The following PID1 variants were observed in gnomAD, a reference collection of about 807,000 sequenced individuals.
The protein encoded by PID1 is phosphotyrosine interaction domain containing 1.
PID1 carries 10 observed loss-of-function variants against 19.1 expected under a neutral mutation model. The observed-to-expected ratio is 0.52, with a 90% confidence interval of 0.32 to 0.89. The LOEUF (loss-of-function observed/expected upper bound fraction) is 0.89, where lower values mean the gene tolerates loss of function less well. PID1 is among the 40% of genes least tolerant of loss of function. The pLI, the probability that PID1 is intolerant of heterozygous loss-of-function variation, is 0.03. For missense variants in PID1, 248 were observed against 285.3 expected, an observed-to-expected ratio of 0.87 and a Z score of 0.94; for synonymous variants, 130 against 116.0, an observed-to-expected ratio of 1.12 and a Z score of -0.78.
At position 229,025,889 on chromosome 2, in the gene PID1, T is replaced by C. The variant is rs1422908127; in HGVS notation, c.397A>G (p.Ile133Val). The change falls in exon 3 of 3, where the codon ATC becomes GTC. Residue 133 changes from isoleucine (I) to valine (V), a missense_variant. Ile to Val is a conservative substitution (Grantham distance 29). Transcript: ENST00000392055. ...TTGTGGTCGGCGGTGCAGTAGGCGA[T>C]GCGGGCCACCTGGAAGGTATCCATG... The part of the protein sequence containing the change: ...VHMDTFQVAR[I>V]AYCTADHNVS... The C allele has an allele frequency of 2.5e-6, 4 of 1,614,096 alleles. No homozygotes were observed. Among genetic ancestry groups the C allele is most frequent in the Non-Finnish European group, 3.4e-6 (4 of 1,180,042 alleles).
chr2:229,227,507 T>A (rs1218317253), intron 1 of PID1, among the ~76,000 whole-genome samples: 1 of 152,196 alleles, frequency 6.6e-6, no homozygotes, highest in Non-Finnish European at 1.5e-5. Flanking sequence ...GTAGCAATTA[T>A]CCATTCCCTT....
chr2:229,042,589 G>A (rs563459329), intron 2 of PID1, among the ~76,000 whole-genome samples: 2 of 152,324 alleles, frequency 1.3e-5, no homozygotes, highest in African/African-American at 4.8e-5. Context: ...GGCTGAGGGA[G>A]GAGGAGGAGA....
At chr2:229,228,170 AACCGAT>A in intron 1 of PID1, 1 of 404,738 alleles carries the variant, frequency 2.5e-6, no homozygotes, top group East Asian at 7.2e-5. Flanking sequence ...GAGCAAATAA[AACCGAT>A]ACAAGCAATT....
At chr2:229,194,650 C>T (rs1359432286) in intron 1 of PID1, among the ~76,000 whole-genome samples, 2 of 151,800 alleles carry the variant, frequency 1.3e-5, no homozygotes, top group Non-Finnish European at 2.9e-5. Flanking sequence ...TGAACATAAT[C>T]CCTATTTTTA....
chr2:229,252,773 C>T (rs763927867), intron 1 of PID1, among the ~76,000 whole-genome samples: 1 of 152,130 alleles, frequency 6.6e-6, no homozygotes, highest in African/African-American at 2.4e-5. Context: ...AAGATTCCCA[C>T]AAGGGGAATA....
intron 1 of PID1, chr2:229,262,776 C>T (rs1690492655): frequency 1.3e-6 from 2 of 1,551,580 alleles, no homozygotes; most frequent in Non-Finnish European, 8.7e-7. Context: ...ACTCTTCTAA[C>T]ATCAGGTGGT....
intron 1 of PID1, among the ~76,000 whole-genome samples, chr2:229,198,709 A>C (rs1691429650): frequency 6.6e-6 from 1 of 152,058 alleles, no homozygotes; most frequent in Non-Finnish European, 1.5e-5. Flanking sequence ...GAGAGTTTAC[A>C]CCTTACCTAC....
At chr2:229,146,642 T>C (rs1284864337) in intron 2 of PID1, among the ~76,000 whole-genome samples, 1 of 152,102 alleles carries the variant, frequency 6.6e-6, no homozygotes, top group Admixed American at 6.6e-5. Context: ...CATTACATCC[T>C]AACCCCTGGA....
At chr2:229,073,139 C>T (rs1426615743) in intron 2 of PID1, among the ~76,000 whole-genome samples, 5 of 152,206 alleles carry the variant, frequency 3.3e-5, no homozygotes, top group Non-Finnish European at 7.3e-5. Flanking sequence ...CATTCTCCTG[C>T]CTCAGCCTCC....
chr2:229,127,283 T>C (rs34504548), intron 2 of PID1, among the ~76,000 whole-genome samples: 17 of 152,344 alleles, frequency 1.1e-4, no homozygotes, highest in Admixed American at 2.0e-4. Flanking sequence ...CTAATAATTG[T>C]ATCTACTTAT....
intron 2 of PID1, among the ~76,000 whole-genome samples, chr2:229,133,816 G>C (rs1215862830): frequency 6.6e-6 from 1 of 151,434 alleles, no homozygotes; most frequent in Admixed American, 6.6e-5. Flanking sequence ...AAGTTTTAGG[G>C]TACATGTGCA....
intron 2 of PID1, among the ~76,000 whole-genome samples, chr2:229,154,057 G>A (rs1490053371): frequency 6.6e-6 from 1 of 152,148 alleles, no homozygotes; most frequent in Non-Finnish European, 1.5e-5. Context: ...TGTACCTAAC[G>A]CCAGTTCTGT....
intron 1 of PID1, among the ~76,000 whole-genome samples, chr2:229,200,082 G>T (rs917154526): frequency 6.6e-6 from 1 of 151,850 alleles, no homozygotes; most frequent in Non-Finnish European, 1.5e-5. Flanking sequence ...CTTGAAGAAG[G>T]CAATTTGGTT....
chr2:229,259,036 T>C (rs960035877), intron 1 of PID1, among the ~76,000 whole-genome samples: 1 of 149,896 alleles, frequency 6.7e-6, no homozygotes, highest in Admixed American at 6.7e-5. Flanking sequence ...CACATTCTCA[T>C]CAACAGTTAG....
chr2:229,260,344 A>G (rs958982445), intron 1 of PID1, among the ~76,000 whole-genome samples: 6 of 152,000 alleles, frequency 3.9e-5, no homozygotes, highest in Non-Finnish European at 8.8e-5. Flanking sequence ...TAAATAAATT[A>G]TAGTCCAGCT....
intron 2 of PID1, among the ~76,000 whole-genome samples, chr2:229,094,859 GA>G (rs199734110): frequency 8.7e-5 from 13 of 148,600 alleles, no homozygotes; most frequent in Admixed American, 2.7e-4. Context: ...AAATCAGCAA[GA>G]AAAAAAAACA....
At position 229,184,030 on chromosome 2, in the gene PID1, CAT is replaced by C. The variant is rs1691021001; in HGVS notation, c.31-28068_31-28067del. On this transcript the variant is annotated intron_variant, in intron 1 of 2. Transcript: ENST00000392055. ...ATATCCCATATGTATGTATATATCC[CAT>C]ATATATATCCCATATATATATCCCA... is the stretch of plus-strand genomic sequence containing the variant. Among the ~76,000 whole-genome samples, 5 of 25,902 alleles carry C rather than the reference CAT, an allele frequency of 1.9e-4. 2 individuals are homozygous for C. Among genetic ancestry groups the C allele is most frequent in the Admixed American group, 5.7e-4 (1 of 1,748 alleles). The allele number at this position is 25,902 out of a possible 152,430, so 17.0% of individuals were successfully genotyped here.
At chr2:229,216,663 G>T (rs1691853487) in intron 1 of PID1, among the ~76,000 whole-genome samples, 1 of 152,058 alleles carries the variant, frequency 6.6e-6, no homozygotes, top group Non-Finnish European at 1.5e-5. Context: ...TTTTTACAAA[G>T]TATTTCTTAA....
chr2:229,249,831 G>C (rs1355997139), intron 1 of PID1, among the ~76,000 whole-genome samples: 1 of 111,844 alleles, frequency 8.9e-6, no homozygotes, highest in Non-Finnish European at 2.2e-5. Context: ...GCTGACAGGA[G>C]TATGATCCCC....
Sources: allele counts gnomAD v4.1 joint callset (sites outside exome capture counted in the v4.1 genomes callset), GRCh38; gene constraint gnomAD v4.1.1; transcripts MANE v1.5; gene names NCBI Gene and HGNC (gene_info 2026-07-23, HGNC 2026-07-21).